The following CBR4 variants were observed in gnomAD, a reference collection of about 807,000 sequenced individuals.
CBR4 encodes carbonyl reductase 4, also known as 3-oxoacyl-[acyl-carrier-protein] reductase.
CBR4 carries 22 observed loss-of-function variants against 21.0 expected under a neutral mutation model. The ratio of observed to expected loss-of-function variants is 1.05; its 90% CI spans 0.75 to 1.50. The LOEUF (loss-of-function observed/expected upper bound fraction) is 1.50. CBR4 is among the 40% of genes most tolerant of loss of function. The pLI, the probability that CBR4 is intolerant of heterozygous loss-of-function variation, is 0.00. For missense variants in CBR4, 302 were observed against 286.3 expected, an observed-to-expected ratio of 1.05 and a Z score of -0.40; for synonymous variants, 100 against 104.4, an observed-to-expected ratio of 0.96 and a Z score of 0.26.
intron 2 of CBR4, among the ~76,000 whole-genome samples, chr4:168,937,454 C>A (rs1582291827): frequency 6.6e-6 from 1 of 152,082 alleles, no homozygotes; most frequent in Non-Finnish European, 1.5e-5. Context: ...CAAATTCACA[C>A]ATAATAATAT....
intron 2 of CBR4, among the ~76,000 whole-genome samples, chr4:168,936,267 C>T (rs1262456620): frequency 2.0e-5 from 3 of 152,154 alleles, no homozygotes; most frequent in Admixed American, 2.0e-4. Flanking sequence ...ACACCAAAAC[C>T]CCATTTGAAA....
rs574686429 is a variant in CBR4, at chr4:169,008,302, A to T, written c.143-546T>A. ...AACACAGGAAGCTATAAAAATGCTA[A>T]AACTACAAACCACGGGGGGAAAAAA... On this transcript the variant is annotated intron_variant, in intron 1 of 4. Coordinates refer to ENST00000306193, the MANE Select transcript of CBR4 (RefSeq NM_032783.5). Among the ~76,000 whole-genome samples, 269 of 152,242 alleles carry T rather than the reference A, an allele frequency of 1.8e-3. 1 individual carries two copies. Among genetic ancestry groups the T allele is most frequent in the African/African-American group, 5.9e-3 (246 of 41,552 alleles).
intron 2 of CBR4, among the ~76,000 whole-genome samples, chr4:168,945,591 A>G (rs1197058352): frequency 1.4e-4 from 21 of 152,202 alleles, no homozygotes; most frequent in Non-Finnish European, 4.4e-5. Flanking sequence ...GCTGGATAAT[A>G]TCACTAGAAT....
intron 4 of CBR4, among the ~76,000 whole-genome samples, chr4:168,990,994 G>A (rs1447232572): frequency 6.6e-6 from 1 of 151,984 alleles, no homozygotes; most frequent in African/African-American, 2.4e-5. Context: ...GTGGAGGTTG[G>A]AGTGAGCCGA....
chr4:168,993,806 C>T (rs569903623), intron 4 of CBR4, among the ~76,000 whole-genome samples: 2 of 152,186 alleles, frequency 1.3e-5, no homozygotes, highest in South Asian at 4.1e-4. Flanking sequence ...GCAAGAAAGA[C>T]CTTGTGACTA....
At chr4:168,977,771 G>A (rs140451796) in intron 2 of CBR4, among the ~76,000 whole-genome samples, 247 of 152,212 alleles carry the variant, frequency 1.6e-3, no homozygotes, top group African/African-American at 5.5e-3. Flanking sequence ...TGTTTTTTGC[G>A]AATGGCGCCA....
At chr4:168,963,354 T>TCAGAGAAGA (rs1264964376) in intron 2 of CBR4, among the ~76,000 whole-genome samples, 1 of 152,204 alleles carries the variant, frequency 6.6e-6, no homozygotes, top group Non-Finnish European at 1.5e-5. Context: ...AAAGCAGAGT[T>TCAGAGAAGA]ACTTACTCAT....
chr4:168,942,495 C>T (rs886766058), intron 2 of CBR4, among the ~76,000 whole-genome samples: 1 of 151,898 alleles, frequency 6.6e-6, no homozygotes, highest in South Asian at 2.1e-4. Flanking sequence ...GGATCAAAGG[C>T]CTAAATGTAG....
intron 2 of CBR4, chr4:168,896,461 A>G (rs1257731119): frequency 2.5e-6 from 2 of 796,350 alleles, no homozygotes; most frequent in African/African-American, 1.7e-5. Flanking sequence ...TGCTAGCACA[A>G]AAGTTTCACT....
intron 2 of CBR4, among the ~76,000 whole-genome samples, chr4:168,934,156 C>T (rs879257843): frequency 5.3e-5 from 8 of 151,434 alleles, no homozygotes; most frequent in Non-Finnish European, 1.2e-4. Context: ...TCAGAAGGCT[C>T]GGGCCAGGTT....
rs28535644 is a variant in CBR4, at chr4:169,008,962, T to C, written c.142+986A>G. 4,377 of 454,414 alleles carry C rather than the reference T, an allele frequency of 9.6e-3. 76 individuals are homozygous for C. The highest frequency in any genetic ancestry group is 0.041 in the African/African-American group (2,057 of 49,578). The allele number at this position is 454,414 out of a possible 1,614,324, so 28.1% of individuals were successfully genotyped here. ...AATGAACAGCCACACCTGGCGTCTATAGTCCCAGGTCCTTGGGAGACTGAG... is the reference window on the plus strand; with the variant it reads ...AATGAACAGCCACACCTGGCGTCTACAGTCCCAGGTCCTTGGGAGACTGAG... On this transcript the variant is annotated intron_variant, in intron 1 of 4. Coordinates refer to ENST00000306193, the MANE Select transcript of CBR4 (RefSeq NM_032783.5).
chr4:168,927,071 G>A (rs1188061898), intron 2 of CBR4: 1 of 220,300 alleles, frequency 4.5e-6, no homozygotes, highest in East Asian at 6.7e-5. Flanking sequence ...CATATTAAAA[G>A]GCTAATTTAA....
chr4:168,928,677 T>G (rs566866452), intron 2 of CBR4, among the ~76,000 whole-genome samples: 21 of 152,286 alleles, frequency 1.4e-4, no homozygotes, highest in African/African-American at 5.1e-4. Context: ...TTGTGATAGC[T>G]CTGTGCAATT....
chr4:169,008,323 A>G (rs1579035889), intron 1 of CBR4, among the ~76,000 whole-genome samples: 1 of 152,162 alleles, frequency 6.6e-6, no homozygotes, highest in African/African-American at 2.4e-5. Context: ...CACGGGGGGA[A>G]AAAAACACTT....
At chr4:168,986,541 GT>G, downstream of CBR4, among the ~76,000 whole-genome samples, 1 of 152,232 alleles carries the variant, frequency 6.6e-6, no homozygotes, top group Middle Eastern at 3.4e-3. Flanking sequence ...TTCGAGTTCG[GT>G]TTTTTGTTGT....
intron 2 of CBR4, among the ~76,000 whole-genome samples, chr4:168,955,466 T>C (rs902783501): frequency 3.3e-5 from 5 of 152,184 alleles, no homozygotes; most frequent in Non-Finnish European, 5.9e-5. Context: ...AGTAACAGTA[T>C]TGCTGGAGCT....
intron 3 of CBR4, chr4:169,006,030 C>A: frequency 1.7e-6 from 1 of 581,834 alleles, no homozygotes; most frequent in Admixed American, 2.5e-5. Flanking sequence ...CAGGCATATA[C>A]TCCACAGCTT....
chr4:168,898,272 C>T, intron 2 of CBR4: 3 of 577,028 alleles, frequency 5.2e-6, no homozygotes, highest in South Asian at 2.1e-5. Context: ...TCCTACCCCC[C>T]TCTTTTTGGA....
At chr4:168,902,739 TTAAAAA>T (rs1756806008) in intron 2 of CBR4, among the ~76,000 whole-genome samples, 1 of 152,200 alleles carries the variant, frequency 6.6e-6, no homozygotes. Context: ...TTTGGACTAC[TTAAAAA>T]TATTGTATTT....
Sources: allele counts gnomAD v4.1 joint callset (sites outside exome capture counted in the v4.1 genomes callset), GRCh38; gene constraint gnomAD v4.1.1; transcripts MANE v1.5; gene names NCBI Gene and HGNC (gene_info 2026-07-23, HGNC 2026-07-21).